LRR1: variants seen among roughly 807,000 people sequenced by gnomAD.
The protein encoded by LRR1 is leucine-rich repeat protein 1.
LRR1 carries 29 observed loss-of-function variants against 31.6 expected under a neutral mutation model. The observed-to-expected ratio is 0.92, with a 90% CI of 0.68 to 1.25. The LOEUF is 1.25. Ranked by LOEUF, LRR1 falls within the 50% of genes most tolerant of loss-of-function variation. The pLI is 0.00. For missense variants in LRR1, 485 were observed against 487.2 expected, an observed-to-expected ratio of 1.00 and a Z score of 0.04; for synonymous variants, 179 against 181.4, an observed-to-expected ratio of 0.99 and a Z score of 0.10.
intron 2 of LRR1, among the ~76,000 whole-genome samples, chr14:49,606,306 C>T (rs548841739): frequency 2.0e-5 from 3 of 152,042 alleles, no homozygotes; most frequent in Admixed American, 6.6e-5. Flanking sequence ...GGATTATAGG[C>T]GTGAGCCACC....
At chr14:49,609,149 C>A (rs1360884067) in intron 3 of LRR1, among the ~76,000 whole-genome samples, 1 of 150,010 alleles carries the variant, frequency 6.7e-6, no homozygotes, top group Admixed American at 6.7e-5. Flanking sequence ...GATCTCCTGA[C>A]CTCGTGATCC....
intron 2 of LRR1, among the ~76,000 whole-genome samples, chr14:49,604,359 G>A (rs1051476859): frequency 6.6e-6 from 1 of 151,954 alleles, no homozygotes; most frequent in Non-Finnish European, 1.5e-5. Context: ...GGGTGCAGTG[G>A]CTCACACCTG....
At chr14:49,609,217 CTTTTTT>C (rs746422046) in intron 3 of LRR1, among the ~76,000 whole-genome samples, 408 of 76,876 alleles carry the variant, frequency 5.3e-3, no homozygotes, top group African/African-American at 0.021. Flanking sequence ...ACACCTGGCC[CTTTTTT>C]TTTTTTTTTT....
At chr14:49,612,468 C>G (rs1882546725) in intron 3 of LRR1, 4 of 1,244,778 alleles carry the variant, frequency 3.2e-6, no homozygotes, top group Non-Finnish European at 4.1e-6. Context: ...TTTCCTCAAT[C>G]TAGAACCATC....
chr14:49,599,080 G>C lies in LRR1; in HGVS notation c.60G>C (p.Arg20Ser), dbSNP rs1485184803. Reference sequence around the variant, plus strand: ...GGCACTTGCCCGCCTTGGGGCTTAGGAACCGGGGCAAGGGCGTCCGAGCCG... The same window carrying C: ...GGCACTTGCCCGCCTTGGGGCTTAGCAACCGGGGCAAGGGCGTCCGAGCCG... ...ISRHLPALGL[R>S]NRGKGVRAVL... Residue 20 changes from arginine to serine, a missense_variant, in exon 1 of 4, where the codon AGG becomes AGC. Physicochemically the swap from Arg to Ser is moderately radical, Grantham distance 110. This residue lies in a region of LRR1 where 260 missense variants were observed against 249.6 expected (regional missense o/e 1.04). Coordinates refer to ENST00000298288, the MANE Select transcript of LRR1 (RefSeq NM_152329.4). 1.9e-6 allele frequency: 3 copies of C among 1,608,836 alleles called. No homozygotes were observed. In the African/African-American group the frequency reaches 4.0e-5, roughly 22 times the overall value.
intron 3 of LRR1, among the ~76,000 whole-genome samples, chr14:49,611,815 G>A (rs528548221): frequency 1.3e-5 from 2 of 151,698 alleles, no homozygotes; most frequent in Non-Finnish European, 2.9e-5. Context: ...CTCAGCTACT[G>A]GGGAGGCTGA....
At chr14:49,604,545 T>C (rs1170770160) in intron 2 of LRR1, among the ~76,000 whole-genome samples, 2 of 151,888 alleles carry the variant, frequency 1.3e-5, no homozygotes, top group Non-Finnish European at 2.9e-5. Context: ...ACAAAAAAAT[T>C]AGCCAGGCAT....
At position 49,604,350 on chromosome 14, in the gene LRR1, G is replaced by T. The variant is rs371594806; in HGVS notation, c.282+1882G>T. Among the ~76,000 whole-genome samples the T allele has an allele frequency of 3.0e-4, 46 of 151,860 alleles. No individual in the cohort carries two copies. In the South Asian group the frequency reaches 8.8e-3, roughly 29 times the overall value. On this transcript the variant is annotated intron_variant, in intron 2 of 3. Transcript: ENST00000298288. ...AAACAAAAATACCATAAACTGGCTG[G>T]GTGCAGTGGCTCACACCTGGGAGGC... is the stretch of plus-strand genomic sequence containing the variant.
chr14:49,607,897 A>G lies in LRR1; in HGVS notation c.780A>G (p.Glu260=). Reference sequence around the variant, plus strand: ...AGAATTTAAAACTTGACGATAATGAATTGATTCAATTTCCTTGCAAGATAG... The same window carrying G: ...AGAATTTAAAACTTGACGATAATGAGTTGATTCAATTTCCTTGCAAGATAG... ...ELKNLKLDDN[E]LIQFPCKIGQ... The change falls in exon 3 of 4, where the codon GAA becomes GAG. Residue 260 remains glutamate, a synonymous_variant. Transcript: ENST00000298288. The G allele has an allele frequency of 6.2e-7, 1 of 1,613,202 alleles. No individual in the cohort carries two copies. The highest frequency in any genetic ancestry group is 8.5e-7 in the Non-Finnish European group (1 of 1,179,386).
At chr14:49,604,170 G>A (rs1393764646) in intron 2 of LRR1, among the ~76,000 whole-genome samples, 1 of 151,864 alleles carries the variant, frequency 6.6e-6, no homozygotes, top group South Asian at 2.1e-4. Context: ...GCCAGGCGTG[G>A]TTTTCACACC....
At chr14:49,604,964 C>T (rs534379717) in intron 2 of LRR1, among the ~76,000 whole-genome samples, 4 of 151,846 alleles carry the variant, frequency 2.6e-5, no homozygotes, top group Non-Finnish European at 5.9e-5. Flanking sequence ...GGCACCATCA[C>T]AGCTCACTGC....
intron 1 of LRR1, 116 bp from the exon 2 acceptor site, chr14:49,602,247 CAGACTCA>C: frequency 1.9e-6 from 1 of 534,750 alleles, no homozygotes; most frequent in Non-Finnish European, 3.1e-6. Flanking sequence ...TGAAAACACT[CAGACTCA>C]AGGACTAAAA....
intron 3 of LRR1, among the ~76,000 whole-genome samples, chr14:49,613,208 G>A (rs915501169): frequency 1.2e-4 from 18 of 151,992 alleles, no homozygotes; most frequent in Non-Finnish European, 2.1e-4. Context: ...GCGTGGTGGC[G>A]GGCACCTATA....
At position 49,600,821 on chromosome 14, in the gene LRR1, A is replaced by C. The variant is rs1411957274; in HGVS notation, c.184-1549A>C. On this transcript the variant is annotated intron_variant, in intron 1 of 3. Coordinates refer to ENST00000298288, the MANE Select transcript of LRR1 (RefSeq NM_152329.4). ...GCAGCATCTGAAGCCACAATCTATT[A>C]TAAATACTTTATTTCAACTAGAAGG... 6.1e-6 allele frequency: 5 copies of C among 821,182 alleles called. No homozygotes were observed. In the East Asian group the frequency reaches 1.1e-4, roughly 18 times the overall value. 50.9% of individuals were successfully genotyped at this position (821,182 alleles called of 1,614,324 possible).
intron 1 of LRR1, chr14:49,601,230 A>T: frequency 2.1e-6 from 3 of 1,416,508 alleles, no homozygotes; most frequent in Non-Finnish European, 2.8e-6. Context: ...CTTAAAAAAA[A>T]TCAGGTCACA....
chr14:49,598,978 A>G lies in LRR1; in HGVS notation c.-43A>G. On this transcript the variant is annotated 5_prime_UTR_variant, in exon 1 of 4. Coordinates refer to ENST00000298288, the MANE Select transcript of LRR1 (RefSeq NM_152329.4). ...GCGGCGCCGGGTGGCGGGAAGGAGG[A>G]AGTTTCAAAGCCAGCTTGACGTGGT... 6.4e-7 allele frequency: 1 copy of G among 1,563,196 alleles called. No homozygotes were observed. The highest frequency in any genetic ancestry group is 8.7e-7 in the Non-Finnish European group (1 of 1,151,756).
In LRR1 at chr14:49,614,438, T is replaced by G. The variant is rs1210714641; in HGVS notation, c.1187T>G (p.Ile396Ser). 6.2e-7 allele frequency: 1 copy of G among 1,614,010 alleles called. No individual in the cohort carries two copies. Among genetic ancestry groups the G allele is most frequent in the East Asian group, 2.2e-5 (1 of 44,836 alleles). The change falls in exon 4 of 4, where the codon ATT (isoleucine) becomes AGT (serine). Residue 396 changes from isoleucine (I) to serine (S), a missense_variant. Transcript: ENST00000298288. Reference sequence around the variant, plus strand: ...AATTTGGGTGGTACTGAAGCACCTATTATCTCTTATTTCTGTTCTCTAGGC... The same window carrying G: ...AATTTGGGTGGTACTGAAGCACCTAGTATCTCTTATTTCTGTTCTCTAGGC... ...VDNLGGTEAP[I>S]ISYFCSLGCY... is the part of the protein sequence containing the mutation.
At chr14:49,611,923 C>CAAAAAAAAA (rs61699129) in intron 3 of LRR1, among the ~76,000 whole-genome samples, 2 of 126,864 alleles carry the variant, frequency 1.6e-5, no homozygotes, top group Non-Finnish European at 3.4e-5. Context: ...GACTGCGTCT[C>CAAAAAAAAA]AAAAAAAAAA....
At position 49,607,569 on chromosome 14, in the gene LRR1, A is replaced by G; in HGVS notation, c.452A>G (p.Asn151Ser). 6.2e-7 allele frequency: 1 copy of G among 1,614,144 alleles called. No homozygotes were observed. Among genetic ancestry groups the G allele is most frequent in the South Asian group, 1.1e-5 (1 of 91,074 alleles). Residue 151 changes from asparagine to serine, a missense_variant, in exon 3 of 4, where the codon AAT (asparagine) becomes AGT (serine). By Grantham distance (46) the Asn-to-Ser change is conservative. This residue lies in a region of LRR1 where 260 missense variants were observed against 249.6 expected (regional missense o/e 1.04). Coordinates refer to ENST00000298288, the MANE Select transcript of LRR1 (RefSeq NM_152329.4). ...TSKKDYPLSKNFPYSLEHLQT... is the reference protein window; with the variant it reads ...TSKKDYPLSKSFPYSLEHLQT... ...AAAAAAGACTATCCTCTAAGTAAGAATTTTCCATATTCCTTGGAACATCTT... is the reference window on the plus strand; with the variant it reads ...AAAAAAGACTATCCTCTAAGTAAGAGTTTTCCATATTCCTTGGAACATCTT...
Sources: allele counts gnomAD v4.1 joint callset (sites outside exome capture counted in the v4.1 genomes callset), GRCh38; gene constraint gnomAD v4.1.1; regional missense constraint gnomAD v4.1.1; transcripts MANE v1.5; gene names NCBI Gene and HGNC (gene_info 2026-07-23, HGNC 2026-07-21).